The following TRHDE variants were observed in gnomAD, a reference collection of about 807,000 sequenced individuals.
TRHDE encodes the protein thyrotropin releasing hormone degrading enzyme, also known as thyrotropin-releasing hormone-degrading ectoenzyme.
TRHDE carries 72 observed loss-of-function variants against 125.7 expected under a neutral mutation model. The observed-to-expected ratio is 0.57, with a 90% CI of 0.47 to 0.70. The LOEUF (loss-of-function observed/expected upper bound fraction) is 0.70, where lower values mean the gene tolerates loss of function less well. Ranked by LOEUF, TRHDE falls within the 30% of genes least tolerant of loss-of-function variation. TRHDE has a pLI of 0.00. For synonymous variants in TRHDE, 509 were observed against 509.1 expected (o/e 1.00, Z 0.00); for missense variants, 1,110 against 1,327.1 (o/e 0.84, Z 2.54).
intron 5 of TRHDE, among the ~76,000 whole-genome samples, chr12:72,488,984 G>C (rs941471244): frequency 2.0e-5 from 3 of 151,802 alleles, no homozygotes; most frequent in African/African-American, 7.2e-5. Flanking sequence ...AAAAATCTAT[G>C]AGAGGCAGCA....
At chr12:72,254,386 C>T (rs1457204655) in intron 2 of TRHDE, 1 of 152,124 alleles carries the variant, frequency 6.6e-6, no homozygotes, top group Non-Finnish European at 1.5e-5. Flanking sequence ...ATCCAACTCT[C>T]CAACTACTCC....
intron 12 of TRHDE, among the ~76,000 whole-genome samples, chr12:72,591,632 G>GTTTTTTTGT (rs1871686604): frequency 8.0e-6 from 1 of 125,430 alleles, no homozygotes; most frequent in African/African-American, 3.2e-5. Context: ...AAGGATATGG[G>GTTTTTTTGT]TTTTTTTTTT....
intron 2 of TRHDE, chr12:72,256,021 T>C (rs1878806683): frequency 6.6e-6 from 1 of 152,144 alleles, no homozygotes; most frequent in South Asian, 2.1e-4. Flanking sequence ...TTACCCTCTT[T>C]TTTATCTTTC....
chr12:72,361,042 A>G (rs995905542), intron 2 of TRHDE, among the ~76,000 whole-genome samples: 2 of 151,524 alleles, frequency 1.3e-5, no homozygotes, highest in African/African-American at 2.4e-5. Flanking sequence ...ATATGTTCTC[A>G]TTGTTCGGCT....
Position 72,341,694 on chromosome 12 carries a change from G to A in TRHDE, c.1189-36301G>A, listed in dbSNP as rs149660058. Among the ~76,000 whole-genome samples, 1,051 of 152,236 alleles carry A rather than the reference G, an allele frequency of 6.9e-3. 10 individuals carry two copies. Among genetic ancestry groups the A allele is most frequent in the African/African-American group, 0.024 (998 of 41,554 alleles). ...ATTAGTGCATTAATGTAGATGAGAA[G>A]TGGTGATGGGTAGAGCTTAGCAATA... On this transcript the variant is annotated intron_variant, in intron 2 of 18. Coordinates refer to ENST00000261180, the MANE Select transcript of TRHDE (RefSeq NM_013381.3).
chr12:72,524,154 A>AT (rs1390118028), intron 6 of TRHDE, among the ~76,000 whole-genome samples: 2 of 152,118 alleles, frequency 1.3e-5, no homozygotes, highest in Non-Finnish European at 2.9e-5. Flanking sequence ...AGGCTAATTT[A>AT]TTTTTTTGAG....
intron 2 of TRHDE, among the ~76,000 whole-genome samples, chr12:72,129,653 A>G (rs984468896): frequency 2.6e-5 from 4 of 152,240 alleles, no homozygotes; most frequent in Non-Finnish European, 4.4e-5. Flanking sequence ...TTTCACTGCT[A>G]CTGTCCAACA....
intron 2 of TRHDE, among the ~76,000 whole-genome samples, chr12:72,159,770 T>A (rs1051197478): frequency 6.6e-6 from 1 of 152,358 alleles, no homozygotes; most frequent in South Asian, 2.1e-4. Context: ...GTCTGTCCTC[T>A]ACATTATGGA....
intron 12 of TRHDE, among the ~76,000 whole-genome samples, chr12:72,579,981 A>G (rs750762554): frequency 2.0e-5 from 3 of 152,000 alleles, no homozygotes; most frequent in Non-Finnish European, 4.4e-5. Context: ...GATTTATTGT[A>G]TGTTGCAGTT....
chr12:72,286,580 A>C (rs1283995101), intron 1 of TRHDE, 101 bp from the exon 2 acceptor site: 4 of 1,177,432 alleles, frequency 3.4e-6, no homozygotes, highest in Non-Finnish European at 4.8e-6. Flanking sequence ...AAATATTGCA[A>C]TTTGGAATAA....
intron 12 of TRHDE, among the ~76,000 whole-genome samples, chr12:72,612,535 T>C (rs951431463): frequency 2.0e-5 from 3 of 152,156 alleles, no homozygotes; most frequent in Non-Finnish European, 4.4e-5. Flanking sequence ...CTGCTACTCA[T>C]TAGCCATGTG....
At chr12:72,383,642 G>T (rs527527050) in intron 3 of TRHDE, among the ~76,000 whole-genome samples, 20 of 151,350 alleles carry the variant, frequency 1.3e-4, no homozygotes, top group Non-Finnish European at 1.9e-4. Flanking sequence ...CTCCCAAAGT[G>T]CTGGGATTAC....
chr12:72,131,301 T>C (rs1875859356), intron 2 of TRHDE, among the ~76,000 whole-genome samples: 1 of 151,950 alleles, frequency 6.6e-6, no homozygotes, highest in African/African-American at 2.4e-5. Context: ...CTCCATCTCC[T>C]GACCTTGTGA....
intron 15 of TRHDE, among the ~76,000 whole-genome samples, chr12:72,627,610 T>C (rs575465035): frequency 1.3e-5 from 2 of 152,066 alleles, no homozygotes; most frequent in African/African-American, 4.8e-5. Context: ...TCCCTCATTG[T>C]GGACAGTTGC....
intron 2 of TRHDE, among the ~76,000 whole-genome samples, chr12:72,150,977 G>A (rs575957117): frequency 2.0e-4 from 30 of 152,194 alleles, no homozygotes; most frequent in African/African-American, 7.0e-4. Flanking sequence ...TCGCCACACC[G>A]ACTTCCACAA....
intron 2 of TRHDE, among the ~76,000 whole-genome samples, chr12:72,172,381 A>C (rs921703739): frequency 4.6e-5 from 7 of 152,218 alleles, no homozygotes; most frequent in Non-Finnish European, 7.3e-5. Context: ...AAGCAAGTCT[A>C]TCAAGTAAGC....
At chr12:72,349,913 A>G (rs1161638704) in intron 2 of TRHDE, among the ~76,000 whole-genome samples, 1 of 152,018 alleles carries the variant, frequency 6.6e-6, no homozygotes, top group African/African-American at 2.4e-5. Flanking sequence ...GTTAATTACA[A>G]ACCAGAATAT....
chr12:72,147,604 A>G (rs1876258690), intron 2 of TRHDE: 1 of 152,208 alleles, frequency 6.6e-6, no homozygotes, highest in Non-Finnish European at 1.5e-5. Context: ...TGATTATATT[A>G]CTCTAAAACC....
chr12:72,109,497 G>A (rs1240593850), intron 2 of TRHDE, among the ~76,000 whole-genome samples: 2 of 152,006 alleles, frequency 1.3e-5, no homozygotes, highest in Non-Finnish European at 2.9e-5. Flanking sequence ...AGTTAGTATA[G>A]CAGGTCAATG....
Sources: gnomAD v4.1 joint callset for allele counts (sites outside exome capture counted in the v4.1 genomes callset) on GRCh38, gnomAD v4.1.1 for gene constraint, MANE v1.5 for transcripts, NCBI Gene and HGNC (gene_info 2026-07-23, HGNC 2026-07-21) for gene names.